The following DNAJC10 variants were observed in gnomAD, a reference collection of about 807,000 sequenced individuals.
The protein encoded by DNAJC10 is endoplasmic reticulum disulfide reductase DNAJC10.
Under a neutral mutation model 115.0 loss-of-function variants are expected in DNAJC10, and 101 were observed. The ratio of observed to expected loss-of-function variants is 0.88; its 90% CI spans 0.75 to 1.04. The LOEUF (loss-of-function observed/expected upper bound fraction) is 1.04. Among genes scored for constraint, DNAJC10 ranks in the 50% least tolerant of loss-of-function variants. DNAJC10 has a pLI of 0.00. For missense variants in DNAJC10, 981 were observed against 928.8 expected (o/e 1.06, Z -0.73); for synonymous variants, 307 against 301.5 (o/e 1.02, Z -0.19).
intron 11 of DNAJC10, chr2:182,739,764 A>T: frequency 1.0e-6 from 1 of 998,664 alleles, no homozygotes; most frequent in Non-Finnish European, 1.2e-6. Flanking sequence ...TTAGATGAAA[A>T]CCTCTATAAT....
At chr2:182,740,236 A>G in intron 11 of DNAJC10, 63 bp from the exon 12 acceptor site, 1 of 1,204,926 alleles carries the variant, frequency 8.3e-7, no homozygotes, top group Non-Finnish European at 1.1e-6. Flanking sequence ...TTGAAAAAAC[A>G]AAAGATATCA....
Position 182,778,668 on chromosome 2 carries a change from C to T in DNAJC10, c.*1536C>T, listed in dbSNP as rs1021785881. On this transcript the variant is annotated 3_prime_UTR_variant, in exon 24 of 24. Transcript: ENST00000264065. ...GTTCTTCATATTCTCCCATCTTTTT[C>T]GCTACTATATACTCTGTCTGGATTC... 11 of 152,078 alleles carry T rather than the reference C, an allele frequency of 7.2e-5. No individual in the cohort carries two copies. The highest frequency in any genetic ancestry group is 2.7e-4 in the African/African-American group (11 of 41,424). The allele number at this position is 152,078 out of a possible 1,614,324, so 9.4% of individuals were successfully genotyped here.
chr2:182,728,092 T>C (rs972855156), intron 5 of DNAJC10, among the ~76,000 whole-genome samples: 1 of 152,220 alleles, frequency 6.6e-6, no homozygotes, highest in African/African-American at 2.4e-5. Context: ...TCTTATTTTA[T>C]TCTTTCAGAG....
chr2:182,739,912 A>G (rs1693688490), intron 11 of DNAJC10: 2 of 987,276 alleles, frequency 2.0e-6, no homozygotes. Flanking sequence ...AATGTGTAAA[A>G]CATTGGCATT....
In DNAJC10 at chr2:182,784,668, C is replaced by G. The variant is rs146266247; in HGVS notation, c.*7536C>G. On this transcript the variant is annotated 3_prime_UTR_variant, in exon 24 of 24. Coordinates refer to ENST00000264065, the MANE Select transcript of DNAJC10 (RefSeq NM_018981.4). ...TAAGTTTAATTTGCAGCCCTTATAG[C>G]TTAGAGGCATTGTAGTTGATATTAT... 3.9e-5 allele frequency: 6 copies of G among 152,268 alleles called. No individual in the cohort carries two copies. In the East Asian group the frequency reaches 9.6e-4, roughly 24 times the overall value. The allele number at this position is 152,268 out of a possible 1,614,324, so 9.4% of individuals were successfully genotyped here. A position where few individuals can be genotyped will look rare whatever the true frequency, so the allele number is the denominator to read the frequency against.
rs2105724947 is a variant in DNAJC10, at chr2:182,785,074, T to G, written c.*7942T>G. ...TTAAAAGTATTTCGCATCCAAAAGT[T>G]TGTAATCTAGTGTAATAAATAGGAC... On this transcript the variant is annotated 3_prime_UTR_variant, in exon 24 of 24. Transcript: ENST00000264065. The G allele has an allele frequency of 6.6e-6, 1 of 152,302 alleles. No homozygotes were observed. Among genetic ancestry groups the G allele is most frequent in the African/African-American group, 2.4e-5 (1 of 41,572 alleles). 9.4% of individuals were successfully genotyped at this position (152,302 alleles called of 1,614,324 possible).
chr2:182,735,189 C>CT (rs987654069), intron 10 of DNAJC10, among the ~76,000 whole-genome samples: 5 of 151,282 alleles, frequency 3.3e-5, no homozygotes, highest in Non-Finnish European at 7.4e-5. Context: ...GTTACCTGTC[C>CT]TTTTATTGTT....
At chr2:182,716,805 T>C (rs529491271) in intron 1 of DNAJC10, among the ~76,000 whole-genome samples, 3 of 152,322 alleles carry the variant, frequency 2.0e-5, no homozygotes, top group East Asian at 1.9e-4. Flanking sequence ...GTGATGGCAA[T>C]GCGAAAGCTT....
rs1165044294 is a variant in DNAJC10, at chr2:182,783,948, AAATT to A, written c.*6820_*6823del. 1 of 152,246 alleles carries A rather than the reference AAATT, an allele frequency of 6.6e-6. No individual in the cohort carries two copies. The highest frequency in any genetic ancestry group is 2.4e-5 in the African/African-American group (1 of 41,462). 9.4% of individuals were successfully genotyped at this position (152,246 alleles called of 1,614,324 possible). A position where few individuals can be genotyped will look rare whatever the true frequency, so the allele number is the denominator to read the frequency against. On this transcript the variant is annotated 3_prime_UTR_variant, in exon 24 of 24. Coordinates refer to ENST00000264065, the MANE Select transcript of DNAJC10 (RefSeq NM_018981.4). ...TTAATTTGTATTAATTAACTAATAT[AAATT>A]AATCCTATCAAGTTAATTTGTAATA...
chr2:182,720,158 G>A lies in DNAJC10; in HGVS notation c.356G>A (p.Arg119His), dbSNP rs776207150. 25 of 1,606,640 alleles carry A rather than the reference G, an allele frequency of 1.6e-5. No individual in the cohort carries two copies. The highest frequency in any genetic ancestry group is 6.9e-5 in the Admixed American group (4 of 58,092). ...GGQYESWNYY[R>H]YDFGIYDDDP... ...CAGTATGAAAGCTGGAACTATTATC[G>A]TTATGATTTTGGTAAGGTGATACGA... is the stretch of plus-strand genomic sequence containing the variant. The change falls in exon 4 of 24, where the codon CGT (arginine) becomes CAT (histidine). Residue 119 changes from arginine to histidine, a missense_variant. Coordinates refer to ENST00000264065, the MANE Select transcript of DNAJC10 (RefSeq NM_018981.4).
intron 22 of DNAJC10, among the ~76,000 whole-genome samples, chr2:182,767,896 G>A (rs1297104767): frequency 2.0e-5 from 3 of 152,026 alleles, no homozygotes; most frequent in Non-Finnish European, 4.4e-5. Context: ...TGTTTTTAGG[G>A]TCAAGGAGTT....
chr2:182,753,779 T>C (rs1342037918), intron 16 of DNAJC10, among the ~76,000 whole-genome samples: 2 of 152,038 alleles, frequency 1.3e-5, no homozygotes, highest in Non-Finnish European at 2.9e-5. Context: ...AGATGGGGTT[T>C]TACAGTGTTA....
intron 22 of DNAJC10, among the ~76,000 whole-genome samples, chr2:182,772,511 C>T (rs1694593516): frequency 1.3e-5 from 2 of 152,266 alleles, no homozygotes; most frequent in South Asian, 4.1e-4. Context: ...GTATTGGGTC[C>T]ATATATATTT....
chr2:182,761,877 G>C (rs1234999576), intron 21 of DNAJC10, among the ~76,000 whole-genome samples: 1 of 152,006 alleles, frequency 6.6e-6, no homozygotes, highest in East Asian at 1.9e-4. Flanking sequence ...ATAACTTGAG[G>C]GGCAGGTAAA....
intron 11 of DNAJC10, chr2:182,739,621 A>C (rs887699398): frequency 1.8e-6 from 2 of 1,137,490 alleles, no homozygotes; most frequent in African/African-American, 3.3e-5. Flanking sequence ...AATATTGACA[A>C]ATAAAGAAGA....
In DNAJC10 at chr2:182,788,159, G is replaced by A. The variant is rs1431972364; in HGVS notation, c.*11027G>A. ...TCTGCCATCAATGAGGTGGTGACCC[G>A]AGAATATGCCATCAGCGTCCACAAG... On this transcript the variant is annotated 3_prime_UTR_variant, in exon 24 of 24. Coordinates refer to ENST00000264065, the MANE Select transcript of DNAJC10 (RefSeq NM_018981.4). 3 of 153,982 alleles carry A rather than the reference G, an allele frequency of 1.9e-5. No homozygotes were observed. Among genetic ancestry groups the A allele is most frequent in the African/African-American group, 4.8e-5 (2 of 41,432 alleles). 9.5% of individuals were successfully genotyped at this position (153,982 alleles called of 1,614,324 possible). A position where few individuals can be genotyped will look rare whatever the true frequency, so the allele number is the denominator to read the frequency against.
rs1257778971 is a variant in DNAJC10 at position 182,791,735 on chromosome 2, G to A, written c.*14603G>A. On this transcript the variant is annotated 3_prime_UTR_variant, in exon 24 of 24. Coordinates refer to ENST00000264065, the MANE Select transcript of DNAJC10 (RefSeq NM_018981.4). The stretch of plus-strand genomic sequence containing the variant: ...ATACAACATTTTATAACACTCTAAT[G>A]TGGATAAGACACCTCAAAAACAGGA... The A allele has an allele frequency of 6.6e-6, 1 of 152,072 alleles. No individual in the cohort carries two copies. The highest frequency in any genetic ancestry group is 1.5e-5 in the Non-Finnish European group (1 of 67,996). The allele number at this position is 152,072 out of a possible 1,614,324, so 9.4% of individuals were successfully genotyped here. A position where few individuals can be genotyped will look rare whatever the true frequency, so the allele number is the denominator to read the frequency against.
intron 21 of DNAJC10, among the ~76,000 whole-genome samples, chr2:182,760,891 T>G (rs1275679161): frequency 1.3e-5 from 2 of 152,208 alleles, no homozygotes; most frequent in African/African-American, 4.8e-5. Context: ...TCTAATCTTC[T>G]TATGCTTCCT....
At chr2:182,760,760 A>G (rs906257997) in intron 21 of DNAJC10, among the ~76,000 whole-genome samples, 1 of 152,156 alleles carries the variant, frequency 6.6e-6, no homozygotes, top group African/African-American at 2.4e-5. Context: ...AGTTCACACT[A>G]AAGCTTAGCA....
Sources: allele counts gnomAD v4.1 joint callset (sites outside exome capture counted in the v4.1 genomes callset), GRCh38; gene constraint gnomAD v4.1.1; transcripts MANE v1.5; gene names NCBI Gene and HGNC (gene_info 2026-07-23, HGNC 2026-07-21).